TLR6: variants seen among roughly 807,000 people sequenced by gnomAD.
The protein encoded by TLR6 is toll like receptor 6.
Under a neutral mutation model 16.1 loss-of-function variants are expected in TLR6, and 9 were observed. The observed-to-expected ratio is 0.56, with a 90% CI of 0.34 to 0.98. The LOEUF (loss-of-function observed/expected upper bound fraction) is 0.98, where lower values mean the gene tolerates loss of function less well. TLR6 is among the 50% of genes least tolerant of loss of function. TLR6 has a pLI of 0.02. For synonymous variants in TLR6, 340 were observed against 338.6 expected, an observed-to-expected ratio of 1.00 and a Z score of -0.04; for missense variants, 786 against 921.0, an observed-to-expected ratio of 0.85 and a Z score of 1.90.
chr4:38,849,015 G>A (rs1029646257), intron 1 of TLR6, among the ~76,000 whole-genome samples: 4 of 152,166 alleles, frequency 2.6e-5, no homozygotes, highest in African/African-American at 9.7e-5. Context: ...AAAATGTTAA[G>A]GGCAGCCAGA....
chr4:38,867,915 G>A, the TLR6 span: 4 of 219,304 alleles, frequency 1.8e-5, no homozygotes, highest in South Asian at 5.1e-5. Context: ...GGGGTGGTGG[G>A]AACACCATAC....
chr4:38,829,237 T>C (rs770008981), exon 2 of TLR6: 4 of 1,614,158 alleles, frequency 2.5e-6, no homozygotes, highest in South Asian at 2.2e-5. Context: ...GTCTCAAAAC[T>C]GTCAACTCTG....
intron 1 of TLR6, among the ~76,000 whole-genome samples, chr4:38,850,856 G>C (rs1393712615): frequency 6.6e-6 from 1 of 152,158 alleles, no homozygotes; most frequent in Non-Finnish European, 1.5e-5. Context: ...TAGAAAAAGA[G>C]GGAATCCTCC....
At chr4:38,828,241 G>A (rs1167512351) in exon 2 of TLR6, 1 of 1,613,496 alleles carries the variant, frequency 6.2e-7, no homozygotes, top group South Asian at 1.1e-5. Context: ...AAGAATTCCA[G>A]CTAACATCCA....
At chr4:38,827,774 T>C (rs201200576) in exon 2 of TLR6, 117 of 1,614,136 alleles carry the variant, frequency 7.2e-5, no homozygotes, top group Non-Finnish European at 9.7e-5. Context: ...GCTTCCTCTA[T>C]AACTTTCTGG....
intron 1 of TLR6, among the ~76,000 whole-genome samples, chr4:38,832,441 TTCCACTATGGAC>T (rs1180286036): frequency 5.9e-5 from 9 of 152,200 alleles, no homozygotes; most frequent in Non-Finnish European, 1.2e-4. Context: ...AGGTCAATGT[TTCCACTATGGAC>T]TCCTGTAATC....
chr4:38,835,586 A>G (rs1205938799), intron 1 of TLR6, among the ~76,000 whole-genome samples: 1 of 152,192 alleles, frequency 6.6e-6, no homozygotes, highest in Non-Finnish European at 1.5e-5. Context: ...CAGCAAAGAA[A>G]CATTGGATTT....
intron 1 of TLR6, among the ~76,000 whole-genome samples, chr4:38,847,677 C>T (rs953959772): frequency 1.3e-5 from 2 of 152,210 alleles, no homozygotes; most frequent in South Asian, 2.1e-4. Context: ...CACGGAGCCT[C>T]GCTCATTGCT....
intron 1 of TLR6, among the ~76,000 whole-genome samples, chr4:38,856,257 A>T (rs1579263419): frequency 6.6e-6 from 1 of 152,220 alleles, no homozygotes; most frequent in Non-Finnish European, 1.5e-5. Context: ...TATAAATATG[A>T]ATAGGACTGA....
At chr4:38,833,009 A>C (rs1711700612) in intron 1 of TLR6, among the ~76,000 whole-genome samples, 1 of 152,114 alleles carries the variant, frequency 6.6e-6, no homozygotes, top group Admixed American at 6.5e-5. Flanking sequence ...CCTGCCTGCC[A>C]CTGCCATGGC....
chr4:38,827,455 A>C (rs1355336289), exon 2 of TLR6: 2 of 1,614,250 alleles, frequency 1.2e-6, no homozygotes, highest in East Asian at 2.2e-5. Flanking sequence ...TTCTCTCATG[A>C]AGACAAATCT....
chr4:38,850,232 G>T (rs1467810254), intron 1 of TLR6, among the ~76,000 whole-genome samples: 1 of 152,224 alleles, frequency 6.6e-6, no homozygotes, highest in Non-Finnish European at 1.5e-5. Flanking sequence ...TTAAAGCAGT[G>T]TGTAGAGGGA....
In TLR6 at chr4:38,827,101, G is replaced by GT. The variant is rs779150927; in HGVS notation, c.2372dup (p.Asn791LysfsTer3). 4 of 1,583,280 alleles carry GT rather than the reference G, an allele frequency of 2.5e-6. No homozygotes were observed. Among genetic ancestry groups the GT allele is most frequent in the Non-Finnish European group, 2.6e-6 (3 of 1,168,836 alleles). The stretch of plus-strand genomic sequence containing the variant: ...AATTTTTTTAAGATTTCACATCATT[G>GT]TTTTCAGTGACTAGTGTTAATTTCA... On this transcript the variant is annotated frameshift_variant, in exon 2 of 2. Coordinates refer to ENST00000436693, the Ensembl canonical transcript of TLR6. LOFTEE classifies it high-confidence loss of function.
chr4:38,830,645 G>A (rs1322545126), intron 1 of TLR6, among the ~76,000 whole-genome samples: 2 of 152,126 alleles, frequency 1.3e-5, no homozygotes, highest in African/African-American at 4.8e-5. Context: ...GGCCGAGGAA[G>A]TCGAGGCTCC....
rs369736387 is a variant in TLR6 at position 38,829,177 on chromosome 4, G to A, written c.297C>T (p.Asn99=). The stretch of plus-strand genomic sequence containing the variant: ...ATAAATCCAAATATTCTAAATCCTG[G>A]TTGAACTTGAAAACACTTAAATCAA... Residue 99 remains asparagine, a synonymous_variant, in exon 2 of 2, where the codon AAC becomes AAT. Coordinates refer to ENST00000436693, the Ensembl canonical transcript of TLR6. 13 of 1,614,012 alleles carry A rather than the reference G, an allele frequency of 8.1e-6. No homozygotes were observed. The African/African-American group carries it at 1.6e-4, about 20-fold the overall frequency.
At chr4:38,858,741 AAGAGAGAGAGAGAGAGGGAG>A (rs1456827188), upstream of TLR6, among the ~76,000 whole-genome samples, 7 of 100,096 alleles carry the variant, frequency 7.0e-5, no homozygotes, top group Middle Eastern at 0.01. Context: ...GAAAGAAAGA[AAGAGAGAGAGAGAGAGGGAG>A]AGAGAGAGAG....
intron 1 of TLR6, among the ~76,000 whole-genome samples, chr4:38,844,243 T>G (rs962721125): frequency 1.3e-5 from 2 of 152,206 alleles, no homozygotes; most frequent in Non-Finnish European, 2.9e-5. Flanking sequence ...GGTAGCGGTG[T>G]TCATCAGGAA....
At position 38,834,607 on chromosome 4, in the gene TLR6, A is replaced by G. The variant is rs114415429; in HGVS notation, c.-64-5070T>C. 8.9e-3 allele frequency among the ~76,000 whole-genome samples: 1,357 copies of G among 152,286 alleles called. 14 individuals carry two copies. The highest frequency in any genetic ancestry group is 0.031 in the African/African-American group (1,286 of 41,534). On this transcript the variant is annotated intron_variant, in intron 1 of 1. Transcript: ENST00000436693. ...GAGGAAGATCACAGTCAAACTCTCA[A>G]AAGTTGAAGACTAAGACAGAATCCT... is the stretch of plus-strand genomic sequence containing the variant.
At chr4:38,867,957 G>T in the TLR6 span, 1 of 318,892 alleles carries the variant, frequency 3.1e-6, no homozygotes, top group Non-Finnish European at 6.6e-6. Context: ...CACGAATCCT[G>T]CCCTCTGCGT....
Sources: allele counts gnomAD v4.1 joint callset (sites outside exome capture counted in the v4.1 genomes callset), GRCh38; gene constraint gnomAD v4.1.1; transcripts MANE v1.5; gene names NCBI Gene and HGNC (gene_info 2026-07-23, HGNC 2026-07-21).